The following PLCG2 variants were observed in gnomAD, a reference collection of about 807,000 sequenced individuals.
PLCG2 encodes phospholipase C gamma 2.
In PLCG2, 69 loss-of-function variants were observed where a neutral mutation model predicts 175.6. The ratio of observed to expected loss-of-function variants is 0.39; its 90% CI spans 0.32 to 0.48. PLCG2 has a LOEUF of 0.48. Among genes scored for constraint, PLCG2 ranks in the 20% least tolerant of loss-of-function variants. PLCG2 has a pLI of 0.91. For synonymous variants in PLCG2, 827 were observed against 624.0 expected (o/e 1.33, Z -4.85); for missense variants, 1,798 against 1,650.9 (o/e 1.09, Z -1.54).
At chr16:81,789,542 G>T (rs964595918) in intron 2 of PLCG2, among the ~76,000 whole-genome samples, 2 of 152,164 alleles carry the variant, frequency 1.3e-5, no homozygotes, top group African/African-American at 4.8e-5. Context: ...TCCCACCTTG[G>T]TCTCCGAAAG....
At chr16:81,773,796 C>A (rs552814525) in intron 2 of PLCG2, among the ~76,000 whole-genome samples, 1 of 152,086 alleles carries the variant, frequency 6.6e-6, no homozygotes, top group Non-Finnish European at 1.5e-5. Context: ...AAGCTTACAG[C>A]GGCTGCAAAT....
At chr16:81,924,503 C>G (rs763537730) in intron 22 of PLCG2, among the ~76,000 whole-genome samples, 1 of 152,220 alleles carries the variant, frequency 6.6e-6, no homozygotes, top group Admixed American at 6.5e-5. Context: ...GAAACTGAAG[C>G]CTTCAGAAGT....
chr16:81,740,724 C>CAAAAAAAAAAAAAAAAAAAAAA (rs746287603), intron 1 of PLCG2: 1 of 27,930 alleles, frequency 3.6e-5, no homozygotes, highest in African/African-American at 1.5e-4. Flanking sequence ...GACTCCATCT[C>CAAAAAAAAAAAAAAAAAAAAAA]AAAAAAAAAA....
chr16:81,828,734 C>T (rs1034196295), intron 2 of PLCG2, among the ~76,000 whole-genome samples: 1 of 152,192 alleles, frequency 6.6e-6, no homozygotes, highest in African/African-American at 2.4e-5. Context: ...CAGCCTCAGC[C>T]TTCCGAAGCT....
intron 2 of PLCG2, among the ~76,000 whole-genome samples, chr16:81,815,922 C>T (rs979873388): frequency 5.3e-5 from 8 of 151,442 alleles, no homozygotes; most frequent in South Asian, 2.1e-4. Context: ...ATTAGCCAGG[C>T]ATGGTGACTT....
chr16:81,931,456 T>A (rs1018659674), intron 24 of PLCG2, 41 bp from the exon 25 acceptor site: 1 of 1,601,980 alleles, frequency 6.2e-7, no homozygotes, highest in African/African-American at 1.3e-5. Context: ...TGTGGCCCTC[T>A]AATAGGCTGA....
chr16:81,828,090 CAAAAA>C (rs763973143), intron 2 of PLCG2, among the ~76,000 whole-genome samples: 1 of 50,072 alleles, frequency 2.0e-5, no homozygotes, highest in Non-Finnish European at 4.0e-5. Context: ...AACTCCGTCT[CAAAAA>C]AAAAAAAAAA....
chr16:81,870,773 A>AG, intron 6 of PLCG2, 79 bp from the exon 7 acceptor site: 1 of 735,524 alleles, frequency 1.4e-6, no homozygotes. Flanking sequence ...TCTGAAACAA[A>AG]AATTATTCTA....
intron 2 of PLCG2, among the ~76,000 whole-genome samples, chr16:81,803,846 T>C (rs1911872043): frequency 6.6e-6 from 1 of 152,026 alleles, no homozygotes; most frequent in South Asian, 2.1e-4. Context: ...CACACCTGGC[T>C]AAGTTTTGTA....
At chr16:81,752,206 C>G (rs1909826411) in intron 1 of PLCG2, among the ~76,000 whole-genome samples, 1 of 152,064 alleles carries the variant, frequency 6.6e-6, no homozygotes, top group African/African-American at 2.4e-5. Flanking sequence ...TCAGAGTTCC[C>G]TGATGCTGGA....
At chr16:81,945,700 A>G (rs1338692229) in intron 30 of PLCG2, among the ~76,000 whole-genome samples, 1 of 152,220 alleles carries the variant, frequency 6.6e-6, no homozygotes, top group African/African-American at 2.4e-5. Flanking sequence ...AGGAAGATCA[A>G]TACTGCTATG....
At chr16:81,896,005 C>T (rs1323882325) in intron 13 of PLCG2, 78 bp downstream of exon 13, 1 of 1,536,504 alleles carries the variant, frequency 6.5e-7, no homozygotes, top group Non-Finnish European at 9.0e-7. Context: ...GACAGACAGG[C>T]AAACACACAC....
In PLCG2 at chr16:81,910,645, C is replaced by T. The variant is rs147396004; in HGVS notation, c.1859C>T (p.Thr620Met). Reference sequence around the variant, plus strand: ...GCCCTCATCCAGCACTACCGCGAGACGCACCTGCGCTGCGCCGAGTTCGAG... The same window carrying T: ...GCCCTCATCCAGCACTACCGCGAGATGCACCTGCGCTGCGCCGAGTTCGAG... ...IYALIQHYRE[T>M]HLRCAEFELR... The change falls in exon 18 of 33, where the codon ACG becomes ATG. Residue 620 changes from threonine (T) to methionine (M), a missense_variant. Transcript: ENST00000564138. 2,280 of 1,613,962 alleles carry T rather than the reference C, an allele frequency of 1.4e-3. 4 individuals are homozygous for T. Among genetic ancestry groups the T allele is most frequent in the Non-Finnish European group, 1.7e-3 (2,005 of 1,180,010 alleles).
chr16:81,778,044 A>AAACAAACAAACAAAC (rs1567457783), upstream of PLCG2, among the ~76,000 whole-genome samples: 114 of 83,772 alleles, frequency 1.4e-3, no homozygotes, highest in South Asian at 0.011. Context: ...AAAAAAAAAC[A>AAACAAACAAACAAAC]AAAAAAAAAA....
At chr16:81,809,129 T>A (rs1904296965) in intron 2 of PLCG2, among the ~76,000 whole-genome samples, 2 of 152,312 alleles carry the variant, frequency 1.3e-5, no homozygotes, top group Admixed American at 1.3e-4. Flanking sequence ...TTGGACTTGT[T>A]GCTTTTGTGG....
chr16:81,939,379 G>A (rs1391325068), intron 29 of PLCG2, among the ~76,000 whole-genome samples: 2 of 152,156 alleles, frequency 1.3e-5, no homozygotes, highest in African/African-American at 4.8e-5. Flanking sequence ...GTGATTGGTG[G>A]GCCTTCTAAA....
chr16:81,766,649 T>C (rs1184675104), intron 2 of PLCG2: 1 of 152,350 alleles, frequency 6.6e-6, no homozygotes, highest in Non-Finnish European at 1.5e-5. Context: ...CCTTGTTTAC[T>C]GTCTGTCTTC....
At chr16:81,832,543 C>A (rs1567488049) in intron 2 of PLCG2, among the ~76,000 whole-genome samples, 1 of 151,996 alleles carries the variant, frequency 6.6e-6, no homozygotes, top group Non-Finnish European at 1.5e-5. Flanking sequence ...ATGTGCACTA[C>A]CATGCCCAGC....
At chr16:81,767,227 T>C (rs774240183) in intron 2 of PLCG2, among the ~76,000 whole-genome samples, 20 of 143,842 alleles carry the variant, frequency 1.4e-4, no homozygotes, top group Non-Finnish European at 2.1e-4. Context: ...TCACTGCAAC[T>C]TCTGCTTCCT....
Sources: gnomAD v4.1 joint callset for allele counts (sites outside exome capture counted in the v4.1 genomes callset) on GRCh38, gnomAD v4.1.1 for gene constraint, MANE v1.5 for transcripts, NCBI Gene and HGNC (gene_info 2026-07-23, HGNC 2026-07-21) for gene names.